Variants in EIF3B observed in about 807,000 individuals in gnomAD.
EIF3B encodes eukaryotic translation initiation factor 3 subunit 9.
In EIF3B, 10 loss-of-function variants were observed where a neutral mutation model predicts 104.6. The observed-to-expected ratio is 0.10, with a 90% CI of 0.06 to 0.16. The LOEUF (loss-of-function observed/expected upper bound fraction) is 0.16. Ranked by LOEUF, EIF3B falls within the 10% of genes least tolerant of loss-of-function variation. The probability of loss-of-function intolerance (pLI) is 1.00; values close to 1 mark genes in which losing one functional copy is unlikely to be tolerated. For missense variants in EIF3B, 1,014 were observed against 1,087.9 expected, an observed-to-expected ratio of 0.93 and a Z score of 0.96; for synonymous variants, 542 against 417.2, an observed-to-expected ratio of 1.30 and a Z score of -3.65.
Position 2,363,700 on chromosome 7 carries a change from A to T in EIF3B, c.939A>T (p.Gly313=). 6.2e-7 allele frequency: 1 copy of T among 1,614,098 alleles called. No homozygotes were observed. The part of the protein sequence containing the change: ...RDQYSVIFES[G]DRTSIFWNDV... ...AGTACAGTGTGATTTTTGAGAGTGG[A>T]GACCGCACTTCCATATTCTGGAATG... The change falls in exon 5 of 19, where the codon GGA becomes GGT. Residue 313 remains glycine, a synonymous_variant. Transcript: ENST00000360876.
chr7:2,361,093 G>C (rs1013676707), intron 2 of EIF3B, among the ~76,000 whole-genome samples, 191 bp downstream of exon 2: 2 of 152,148 alleles, frequency 1.3e-5, no homozygotes, highest in Admixed American at 6.5e-5. Context: ...GTTTTTTTAA[G>C]TTAAGGTTTT....
In EIF3B at chr7:2,379,496, G is replaced by T; in HGVS notation, c.2444G>T (p.Ter815LeuextTer60). ...ATCATTCCCCTCGGGAATCAGGAGT[G>T]ACCTGGAGCACTGTGGTGAGCGTCT... Reference protein sequence around the residue: ...EEIIPLGNQE* With the variant: ...EEIIPLGNQEL The change falls in exon 18 of 19, where the codon TGA becomes TTA. Residue 815 changes from the stop codon to leucine, a stop_lost. Transcript: ENST00000360876. The T allele has an allele frequency of 6.4e-7, 1 of 1,567,134 alleles. No individual in the cohort carries two copies. The highest frequency in any genetic ancestry group is 1.2e-5 in the South Asian group (1 of 85,218).
chr7:2,361,157 C>G (rs983112443), intron 2 of EIF3B, among the ~76,000 whole-genome samples: 3 of 152,140 alleles, frequency 2.0e-5, no homozygotes, highest in Non-Finnish European at 4.4e-5. Flanking sequence ...TGCATAAACT[C>G]CCAACACTCT....
chr7:2,354,520 T>C (rs1400463447), upstream of EIF3B, among the ~76,000 whole-genome samples: 1 of 152,128 alleles, frequency 6.6e-6, no homozygotes. Flanking sequence ...GTCCCCGCCT[T>C]CAGCTCCACA....
At position 2,369,501 on chromosome 7, in the gene EIF3B, T is replaced by A; in HGVS notation, c.1433T>A (p.Ile478Lys). The A allele has an allele frequency of 6.2e-7, 1 of 1,614,254 alleles. No individual in the cohort carries two copies. Among genetic ancestry groups the A allele is most frequent in the East Asian group, 2.2e-5 (1 of 44,888 alleles). The change falls in exon 10 of 19, where the codon ATA becomes AAA. Residue 478 changes from isoleucine to lysine, a missense_variant. Around this residue, in one of 4 missense-constraint regions of EIF3B, gnomAD observed 201 missense variants for 240.7 expected, o/e 0.83. Transcript: ENST00000360876. ...TTTTCTTGGTCTCCTGGTGGTAACA[T>A]AATCGCCTTCTGGGTGCCTGAAGAC... ...KDFSWSPGGN[I>K]IAFWVPEDKD...
At chr7:2,368,830 T>TC (rs1297943756) in intron 9 of EIF3B, among the ~76,000 whole-genome samples, 2 of 152,220 alleles carry the variant, frequency 1.3e-5, no homozygotes, top group Non-Finnish European at 2.9e-5. Context: ...CTTCCAACAA[T>TC]CCAAGGACAT....
chr7:2,380,338 T>G lies in EIF3B; in HGVS notation c.*149T>G, dbSNP rs746281578. On this transcript the variant is annotated 3_prime_UTR_variant, in exon 19 of 19. Coordinates refer to ENST00000360876, the MANE Select transcript of EIF3B (RefSeq NM_001037283.2). ...TGCAGGAAGCCGCGTGACTCCCGCC[T>G]CCTCCCTGTGCTCTCTGGCTCTGGA... The G allele has an allele frequency of 1.9e-6, 1 of 518,594 alleles. No individual in the cohort carries two copies. Among genetic ancestry groups the G allele is most frequent in the Middle Eastern group, 3.2e-4 (1 of 3,142 alleles). 32.1% of individuals were successfully genotyped at this position (518,594 alleles called of 1,614,324 possible).
rs1583181912 is a variant in EIF3B, at chr7:2,377,041, G to A, written c.2120G>A (p.Arg707Gln). 7.4e-6 allele frequency: 12 copies of A among 1,613,560 alleles called. No individual in the cohort carries two copies. Among genetic ancestry groups the A allele is most frequent in the South Asian group, 1.1e-5 (1 of 91,072 alleles). ...TTCTGCCAGCTGCTGTGGCGGCCCCGGCCTCCCACACTCCTGAGCCAGGAA... is the reference window on the plus strand; with the variant it reads ...TTCTGCCAGCTGCTGTGGCGGCCCCAGCCTCCCACACTCCTGAGCCAGGAA... ...DRFCQLLWRPRPPTLLSQEQI... is the reference protein window; with the variant it reads ...DRFCQLLWRPQPPTLLSQEQI... The change falls in exon 15 of 19, where the codon CGG becomes CAG. Residue 707 changes from arginine (R) to glutamine (Q), a missense_variant. Around this residue, in one of 4 missense-constraint regions of EIF3B, gnomAD observed 266 missense variants for 324.0 expected, o/e 0.82. Transcript: ENST00000360876.
At chr7:2,362,995 C>T in intron 3 of EIF3B, 75 bp from the exon 4 acceptor site, 1 of 1,557,970 alleles carries the variant, frequency 6.4e-7, no homozygotes. Flanking sequence ...CACAGCAGGG[C>T]CATGCTGGAG....
chr7:2,357,966 T>C (rs1472312907), intron 1 of EIF3B, among the ~76,000 whole-genome samples: 2 of 152,232 alleles, frequency 1.3e-5, no homozygotes, highest in East Asian at 3.8e-4. Context: ...TTGACTAGTT[T>C]CCATAGCAGG....
intron 1 of EIF3B, among the ~76,000 whole-genome samples, chr7:2,358,771 T>G (rs1779585992): frequency 6.6e-6 from 1 of 152,156 alleles, no homozygotes; most frequent in Non-Finnish European, 1.5e-5. Flanking sequence ...TCAGGTAATC[T>G]GCCTGCCTCG....
At chr7:2,365,302 A>G (rs1779946203) in intron 6 of EIF3B, among the ~76,000 whole-genome samples, 1 of 152,122 alleles carries the variant, frequency 6.6e-6, no homozygotes, top group African/African-American at 2.4e-5. Flanking sequence ...TGCTAGGGAA[A>G]GGGGCGGTTG....
At chr7:2,367,148 AC>A in intron 9 of EIF3B, 103 bp downstream of exon 9, 1 of 1,122,776 alleles carries the variant, frequency 8.9e-7, no homozygotes, top group Non-Finnish European at 1.3e-6. Flanking sequence ...GTGGCTTATG[AC>A]AGCTGAGATT....
chr7:2,366,940 G>A, intron 8 of EIF3B, 59 bp from the exon 9 acceptor site: 1 of 1,542,622 alleles, frequency 6.5e-7, no homozygotes, highest in Non-Finnish European at 8.9e-7. Context: ...AAAGTTAGGT[G>A]TGTTTCTGAG....
chr7:2,374,505 A>T (rs1228179316), intron 12 of EIF3B, 23 bp from the exon 13 acceptor site: 8 of 1,612,646 alleles, frequency 5.0e-6, no homozygotes, highest in Non-Finnish European at 6.8e-6. Context: ...GCAGCTCGTG[A>T]CAGGCGCGCT....
intron 9 of EIF3B, among the ~76,000 whole-genome samples, chr7:2,367,748 G>A (rs1034252297): frequency 6.6e-6 from 1 of 151,042 alleles, no homozygotes; most frequent in Admixed American, 6.6e-5. Flanking sequence ...GATTACAGGC[G>A]TGAGCCACCA....
In EIF3B at chr7:2,363,773, T is replaced by C. The variant is rs368881071; in HGVS notation, c.999+13T>C. ...TGAAGAAAGAGCGGTGTGTATTTGC[T>C]GCTGCTGGGGGCGGGGACTCACCTC... On this transcript the variant is annotated intron_variant, in intron 5 of 18. Coordinates refer to ENST00000360876, the MANE Select transcript of EIF3B (RefSeq NM_001037283.2). 137 of 1,611,518 alleles carry C rather than the reference T, an allele frequency of 8.5e-5. No individual in the cohort carries two copies. The highest frequency in any genetic ancestry group is 1.1e-4 in the Non-Finnish European group (130 of 1,179,496).
intron 15 of EIF3B, 84 bp downstream of exon 15, chr7:2,377,159 A>T (rs1562492188): frequency 6.7e-7 from 1 of 1,498,322 alleles, no homozygotes; most frequent in East Asian, 2.3e-5. Flanking sequence ...TGTTATTGTT[A>T]GGGTGGTGAC....
intron 10 of EIF3B, among the ~76,000 whole-genome samples, chr7:2,371,416 G>A (rs1780333467): frequency 6.6e-6 from 1 of 152,218 alleles, no homozygotes; most frequent in East Asian, 1.9e-4. Flanking sequence ...TGTCTGAAGT[G>A]GTTTACCCAG....
Sources: allele counts gnomAD v4.1 joint callset (sites outside exome capture counted in the v4.1 genomes callset), GRCh38; gene constraint gnomAD v4.1.1; regional missense constraint gnomAD v4.1.1; transcripts MANE v1.5; gene names NCBI Gene and HGNC (gene_info 2026-07-23, HGNC 2026-07-21).